Variants in ERMARD observed in about 807,000 individuals in gnomAD.
ERMARD encodes the protein endoplasmic reticulum membrane-associated RNA degradation protein.
A neutral mutation model predicts 83.9 loss-of-function variants in ERMARD; 71 were observed. The observed-to-expected ratio is 0.85, with a 90% CI of 0.70 to 1.03. The LOEUF is 1.03. Among genes scored for constraint, ERMARD ranks in the 50% least tolerant of loss-of-function variants. ERMARD has a pLI of 0.00. For synonymous variants in ERMARD, 284 were observed against 298.6 expected (o/e 0.95, Z 0.50); for missense variants, 838 against 810.9 (o/e 1.03, Z -0.41).
intron 17 of ERMARD, among the ~76,000 whole-genome samples, chr6:169,780,432 A>G (rs1282397556): frequency 6.6e-6 from 1 of 152,240 alleles, no homozygotes; most frequent in African/African-American, 2.4e-5. Context: ...TATTTTCAAG[A>G]TAAAATGCTG....
intron 8 of ERMARD, 124 bp from the exon 9 acceptor site, chr6:169,762,305 C>T (rs1791649220): frequency 1.2e-6 from 1 of 832,726 alleles, no homozygotes; most frequent in Non-Finnish European, 1.9e-6. Flanking sequence ...GAACTCCTAG[C>T]CTCAAGCGAT....
intron 1 of ERMARD, chr6:169,751,872 CG>C: frequency 1.4e-6 from 1 of 692,456 alleles, no homozygotes. Flanking sequence ...CGGGCCCTGC[CG>C]GCCTCCCTGG....
At position 169,770,447 on chromosome 6, in the gene ERMARD, T is replaced by C. The variant is rs1319787929; in HGVS notation, c.1233+734T>C. The C allele has an allele frequency of 2.6e-5, 4 of 152,240 alleles. No individual in the cohort carries two copies. In the East Asian group the frequency reaches 7.7e-4, roughly 29 times the overall value. 9.4% of individuals were successfully genotyped at this position (152,240 alleles called of 1,614,324 possible). On this transcript the variant is annotated intron_variant, in intron 12 of 17. Coordinates refer to ENST00000366773, the MANE Select transcript of ERMARD (RefSeq NM_018341.3). ...ATTCCATTTTATCAATATGTTATTATTTACCTAAGCAGTCCATCATTGATG... is the reference window on the plus strand; with the variant it reads ...ATTCCATTTTATCAATATGTTATTACTTACCTAAGCAGTCCATCATTGATG...
At chr6:169,780,002 G>A (rs1487562122) in intron 17 of ERMARD, among the ~76,000 whole-genome samples, 1 of 152,212 alleles carries the variant, frequency 6.6e-6, no homozygotes, top group Non-Finnish European at 1.5e-5. Flanking sequence ...TGGATATCTT[G>A]TTGGTTTTAA....
rs760807782 is a variant in ERMARD at position 169,781,472 on chromosome 6, A to G, written c.1996A>G (p.Ile666Val). The change falls in exon 18 of 18, where the codon ATA becomes GTA. Residue 666 changes from isoleucine (I) to valine (V), a missense_variant. Transcript: ENST00000366773. ...TTTTAGTGAGAAGAAACAAATGTTA[A>G]TACATTTAGCCAAGAAATCCACAAG... The part of the protein sequence containing the change: ...WTFSEKKQML[I>V]HLAKKSTSKV... 3.7e-6 allele frequency: 6 copies of G among 1,608,164 alleles called. No individual in the cohort carries two copies. Among genetic ancestry groups the G allele is most frequent in the Non-Finnish European group, 3.4e-6 (4 of 1,177,670 alleles).
chr6:169,766,764 T>A (rs969819313), intron 10 of ERMARD, 97 bp downstream of exon 10: 2 of 1,279,632 alleles, frequency 1.6e-6, no homozygotes, highest in Non-Finnish European at 2.1e-6. Context: ...CAGCCATAAA[T>A]CATATACTTA....
chr6:169,769,427 C>G, intron 11 of ERMARD, 113 bp from the exon 12 acceptor site: 1 of 983,100 alleles, frequency 1.0e-6, no homozygotes, highest in Non-Finnish European at 1.4e-6. Context: ...AGAGTCCCAC[C>G]CAGGGCTTCA....
chr6:169,763,620 T>C (rs1218789120), intron 9 of ERMARD, among the ~76,000 whole-genome samples: 1 of 152,272 alleles, frequency 6.6e-6, no homozygotes, highest in Non-Finnish European at 1.5e-5. Flanking sequence ...CGTCTCTTTC[T>C]CTAGCTTGGC....
chr6:169,760,349 C>G (rs932308513), intron 7 of ERMARD, among the ~76,000 whole-genome samples: 1 of 152,168 alleles, frequency 6.6e-6, no homozygotes, highest in Admixed American at 6.5e-5. Flanking sequence ...TATCAAGGGT[C>G]TTTTACACCT....
intron 4 of ERMARD, 123 bp downstream of exon 4, chr6:169,756,562 T>G: frequency 1.0e-6 from 1 of 965,554 alleles, no homozygotes; most frequent in Non-Finnish European, 1.5e-6. Flanking sequence ...TTAGTATGAA[T>G]TTTTAATATT....
At position 169,769,683 on chromosome 6, in the gene ERMARD, C is replaced by T. The variant is rs374423840; in HGVS notation, c.1203C>T (p.Phe401=). 4.4e-5 allele frequency: 70 copies of T among 1,607,562 alleles called. No individual in the cohort carries two copies. Among genetic ancestry groups the T allele is most frequent in the Non-Finnish European group, 5.3e-5 (62 of 1,177,166 alleles). The stretch of plus-strand genomic sequence containing the variant: ...TTTCTCTTGTACTGCTACTCAGATT[C>T]GTTGATGACTGTCTGCTATCAGTTT... ...LAFSLVLLLR[F]VDDCLLSVFK... is the part of the protein sequence containing the mutation. The change falls in exon 12 of 18, where the codon TTC becomes TTT. Residue 401 remains phenylalanine, a synonymous_variant. Transcript: ENST00000366773.
chr6:169,754,712 T>C (rs986614907), intron 2 of ERMARD, among the ~76,000 whole-genome samples: 27 of 152,144 alleles, frequency 1.8e-4, no homozygotes, highest in Non-Finnish European at 1.9e-4. Flanking sequence ...CTGAGCTAAG[T>C]TGGAAAAAGA....
rs535846840 is a variant in ERMARD, at chr6:169,777,623, A to G, written c.1739+950A>G. 2.0e-5 allele frequency among the ~76,000 whole-genome samples: 3 copies of G among 152,354 alleles called. No homozygotes were observed. The South Asian group carries it at 6.2e-4, about 32-fold the overall frequency. ...CACTTACAATGTTAAACATTGAGGT[A>G]TATATGAACTCTATGGACATTTAAT... On this transcript the variant is annotated intron_variant, in intron 16 of 17. Coordinates refer to ENST00000366773, the MANE Select transcript of ERMARD (RefSeq NM_018341.3).
In ERMARD at chr6:169,768,006, A is replaced by AAT. The variant is rs1269726465; in HGVS notation, c.991-96_991-95insTA. 1.0e-5 allele frequency: 10 copies of AAT among 955,864 alleles called. No homozygotes were observed. The East Asian group carries it at 2.5e-4, about 23-fold the overall frequency. The allele number at this position is 955,864 out of a possible 1,614,324, so 59.2% of individuals were successfully genotyped here. A position where few individuals can be genotyped will look rare whatever the true frequency, so the allele number is the denominator to read the frequency against. On this transcript the variant is annotated intron_variant, in intron 10 of 17. Coordinates refer to ENST00000366773, the MANE Select transcript of ERMARD (RefSeq NM_018341.3). ...TTAATTTGCTTAGACCTTAGATAAC[A>AAT]AGTTAGGCTAAAAGTACTATATCCA...
intron 4 of ERMARD, 133 bp downstream of exon 4, chr6:169,756,572 T>A: frequency 1.0e-6 from 1 of 967,600 alleles, no homozygotes; most frequent in Non-Finnish European, 1.5e-6. Flanking sequence ...TTTTTAATAT[T>A]TCCCTTTTGA....
At chr6:169,757,115 C>G (rs1188310803) in intron 5 of ERMARD, among the ~76,000 whole-genome samples, 1 of 152,154 alleles carries the variant, frequency 6.6e-6, no homozygotes, top group Non-Finnish European at 1.5e-5. Context: ...CCCCTGCGTC[C>G]CTCCCACAAC....
intron 17 of ERMARD, among the ~76,000 whole-genome samples, chr6:169,779,814 G>A (rs1256454680): frequency 1.3e-5 from 2 of 152,200 alleles, no homozygotes; most frequent in African/African-American, 4.8e-5. Flanking sequence ...TCCAATTCGG[G>A]AAGTCCACTT....
At chr6:169,769,077 G>A (rs9383479) in intron 11 of ERMARD, among the ~76,000 whole-genome samples, 13,661 of 152,238 alleles carry the variant, frequency 0.09, 1,774 homozygotes, top group East Asian at 0.6. Flanking sequence ...ACCATTGGCG[G>A]TTTGCCAAGG....
intron 17 of ERMARD, among the ~76,000 whole-genome samples, chr6:169,780,635 G>C (rs947489765): frequency 1.3e-5 from 2 of 152,208 alleles, no homozygotes; most frequent in South Asian, 2.1e-4. Flanking sequence ...TGTGTGAGGA[G>C]GGGGAGGGCA....
Sources: gnomAD v4.1 joint callset for allele counts (sites outside exome capture counted in the v4.1 genomes callset) on GRCh38, gnomAD v4.1.1 for gene constraint, MANE v1.5 for transcripts, NCBI Gene and HGNC (gene_info 2026-07-23, HGNC 2026-07-21) for gene names.